Variants in UTS2B observed in about 807,000 individuals in gnomAD.
The protein encoded by UTS2B is urotensin-2B.
Under a neutral mutation model 19.2 loss-of-function variants are expected in UTS2B, and 21 were observed. The ratio of observed to expected loss-of-function variants is 1.09; its 90% CI spans 0.78 to 1.58. UTS2B has a LOEUF of 1.58. Ranked by LOEUF, UTS2B falls within the 40% of genes most tolerant of loss-of-function variation. The pLI, the probability that UTS2B is intolerant of heterozygous loss-of-function variation, is 0.00. For synonymous variants in UTS2B, 57 were observed against 50.2 expected (o/e 1.14, Z -0.58); for missense variants, 138 against 130.3 (o/e 1.06, Z -0.29).
chr3:191,311,134 T>A (rs1717290326), intron 3 of UTS2B, among the ~76,000 whole-genome samples: 1 of 152,248 alleles, frequency 6.6e-6, no homozygotes, highest in South Asian at 2.1e-4. Context: ...ATTTAACACC[T>A]GTCCTCTATA....
Position 191,268,213 on chromosome 3 carries a change from G to C in UTS2B, c.*203C>G. The C allele has an allele frequency of 2.3e-6, 1 of 436,894 alleles. No individual in the cohort carries two copies. The highest frequency in any genetic ancestry group is 4.2e-6 in the Non-Finnish European group (1 of 235,796). The allele number at this position is 436,894 out of a possible 1,614,324, so 27.1% of individuals were successfully genotyped here. ...ATTCATAGGCTCTCTACAGGGGGAAGCAAGTGCTGTTGGCTCATTCTGGCA... is the reference window on the plus strand; with the variant it reads ...ATTCATAGGCTCTCTACAGGGGGAACCAAGTGCTGTTGGCTCATTCTGGCA... On this transcript the variant is annotated 3_prime_UTR_variant, in exon 9 of 9. Transcript: ENST00000340524.
At chr3:191,307,440 C>T (rs1012856343) in intron 3 of UTS2B, among the ~76,000 whole-genome samples, 1 of 152,002 alleles carries the variant, frequency 6.6e-6, no homozygotes, top group African/African-American at 2.4e-5. Flanking sequence ...AAGAGGAAAA[C>T]GAAAAGTGGA....
At chr3:191,323,438 G>A (rs556297461) in intron 2 of UTS2B, among the ~76,000 whole-genome samples, 1 of 152,138 alleles carries the variant, frequency 6.6e-6, no homozygotes, top group Non-Finnish European at 1.5e-5. Flanking sequence ...CAAAGTGCTG[G>A]GATTAGAGGC....
intron 6 of UTS2B, among the ~76,000 whole-genome samples, chr3:191,277,279 G>A (rs1560133164): frequency 6.6e-6 from 1 of 151,680 alleles, no homozygotes; most frequent in Non-Finnish European, 1.5e-5. Context: ...TAAAATTTGG[G>A]TATAAATTTT....
chr3:191,328,720 GA>G lies in UTS2B; in HGVS notation c.-664-12del, dbSNP rs1717821351. On this transcript the variant is annotated splice_polypyrimidine_tract_variant and intron_variant, in intron 1 of 8. Transcript: ENST00000340524. Reference sequence around the variant, plus strand: ...AACAGGAGAGGTTGTCTATTTTAGAGAGATAGAAATGTCACAATTACAATCC... The same window carrying G: ...AACAGGAGAGGTTGTCTATTTTAGAGGATAGAAATGTCACAATTACAATCC... 4.6e-5 allele frequency: 7 copies of G among 152,368 alleles called. No individual in the cohort carries two copies. The South Asian group carries it at 1.4e-3, about 32-fold the overall frequency. 9.4% of individuals were successfully genotyped at this position (152,368 alleles called of 1,614,324 possible). A position where few individuals can be genotyped will look rare whatever the true frequency, so the allele number is the denominator to read the frequency against.
chr3:191,343,953 A>G, the UTS2B span, among the ~76,000 whole-genome samples: 1 of 152,202 alleles, frequency 6.6e-6, no homozygotes, highest in African/African-American at 2.4e-5. Flanking sequence ...TAAATGTAGG[A>G]TAACTCTTAA....
rs531101740 is a variant in UTS2B, at chr3:191,326,282, C to T, written c.-586+2349G>A. On this transcript the variant is annotated intron_variant, in intron 2 of 8. Transcript: ENST00000340524. The stretch of plus-strand genomic sequence containing the variant: ...TGTGCCAAGCACTTTTCTAGATACG[C>T]GGATATTAGGGAATCAAACAGATAA... Among the ~76,000 whole-genome samples the T allele has an allele frequency of 7.2e-5, 11 of 152,102 alleles. No individual in the cohort carries two copies. In the East Asian group the frequency reaches 7.7e-4, roughly 11 times the overall value.
upstream of UTS2B, among the ~76,000 whole-genome samples, chr3:191,332,382 G>T (rs1718019505): frequency 6.6e-6 from 1 of 152,222 alleles, no homozygotes; most frequent in African/African-American, 2.4e-5. Context: ...GAGTTCATAT[G>T]TAGGTGAAAA....
At chr3:191,338,934 A>G in the UTS2B span, among the ~76,000 whole-genome samples, 1 of 152,144 alleles carries the variant, frequency 6.6e-6, no homozygotes, top group Non-Finnish European at 1.5e-5. Context: ...CTGTTACTAG[A>G]GTATTCAGTT....
chr3:191,277,412 A>G lies in UTS2B; in HGVS notation c.203-568T>C, dbSNP rs545504897. Among the ~76,000 whole-genome samples the G allele has an allele frequency of 9.2e-5, 14 of 152,248 alleles. No individual in the cohort carries two copies. In the East Asian group the frequency reaches 2.7e-3, roughly 29 times the overall value. ...CCAGCATTTTGTTCTATGAATACAGACATGTTTAGATTACTTCAGATGTTG... is the reference window on the plus strand; with the variant it reads ...CCAGCATTTTGTTCTATGAATACAGGCATGTTTAGATTACTTCAGATGTTG... On this transcript the variant is annotated intron_variant, in intron 6 of 8. Coordinates refer to ENST00000340524, the MANE Select transcript of UTS2B (RefSeq NM_198152.5).
chr3:191,311,186 T>C (rs1994377), intron 3 of UTS2B, among the ~76,000 whole-genome samples: 35,154 of 152,180 alleles, frequency 0.23, 4,269 homozygotes, highest in South Asian at 0.29. Context: ...CATTTCAGGT[T>C]CCCTGATAGC....
intron 2 of UTS2B, among the ~76,000 whole-genome samples, chr3:191,324,247 C>T (rs1381376706): frequency 6.6e-6 from 1 of 152,184 alleles, no homozygotes; most frequent in East Asian, 1.9e-4. Flanking sequence ...AGGCTCTTAC[C>T]AGATGGGACT....
rs114299711 is a variant in UTS2B at position 191,320,763 on chromosome 3, A to G, written c.-585-4324T>C. Among the ~76,000 whole-genome samples, 210 of 152,374 alleles carry G rather than the reference A, an allele frequency of 1.4e-3. 2 individuals carry two copies. Among genetic ancestry groups the G allele is most frequent in the African/African-American group, 4.7e-3 (195 of 41,596 alleles). ...AAGACAGTAAAGAATAAATGACTGT[A>G]AAGTTTTTGATGTGACAACTGTGTA... On this transcript the variant is annotated intron_variant, in intron 2 of 8. Coordinates refer to ENST00000340524, the MANE Select transcript of UTS2B (RefSeq NM_198152.5).
intron 8 of UTS2B, chr3:191,273,634 CCT>C: frequency 2.2e-6 from 1 of 455,808 alleles, no homozygotes; most frequent in South Asian, 1.6e-5. Context: ...TTACACCATG[CCT>C]CTGAGATTTA....
chr3:191,316,470 A>G (rs944360748), intron 2 of UTS2B, 31 bp from the exon 3 acceptor site: 1 of 152,310 alleles, frequency 6.6e-6, no homozygotes, highest in Non-Finnish European at 1.5e-5. Flanking sequence ...GATCTCCCAC[A>G]GTGTGAAAGT....
rs531060878 is a variant in UTS2B at position 191,290,784 on chromosome 3, G to T, written c.-124-8471C>A. 9.8e-5 allele frequency among the ~76,000 whole-genome samples: 15 copies of T among 152,338 alleles called. No homozygotes were observed. The South Asian group carries it at 2.9e-3, about 29-fold the overall frequency. ...ATTTACAGGGAACAGATAGCTTTAA[G>T]ATTCACTTGCATCTGACTATTTCTC... On this transcript the variant is annotated intron_variant, in intron 4 of 8. Coordinates refer to ENST00000340524, the MANE Select transcript of UTS2B (RefSeq NM_198152.5).
chr3:191,324,830 C>G (rs1717702994), intron 2 of UTS2B, among the ~76,000 whole-genome samples: 1 of 152,112 alleles, frequency 6.6e-6, no homozygotes, highest in South Asian at 2.1e-4. Context: ...AGGTAGATCA[C>G]TCGAGATTAG....
At chr3:191,274,950 A>G (rs1560132254) in intron 8 of UTS2B, among the ~76,000 whole-genome samples, 1 of 152,210 alleles carries the variant, frequency 6.6e-6, no homozygotes, top group African/African-American at 2.4e-5. Flanking sequence ...GATTATTTCT[A>G]TTTGTGGTCT....
chr3:191,311,583 G>A (rs1046499138), intron 3 of UTS2B, among the ~76,000 whole-genome samples: 3 of 152,100 alleles, frequency 2.0e-5, no homozygotes, highest in South Asian at 2.1e-4. Context: ...CTATTCCAAC[G>A]GCCTGTTCCA....
Sources: gnomAD v4.1 joint callset for allele counts (sites outside exome capture counted in the v4.1 genomes callset) on GRCh38, gnomAD v4.1.1 for gene constraint, MANE v1.5 for transcripts, NCBI Gene and HGNC (gene_info 2026-07-23, HGNC 2026-07-21) for gene names.